BMPR2: variants seen among roughly 807,000 people sequenced by gnomAD.
The protein encoded by BMPR2 is bone morphogenetic protein receptor type-2.
In BMPR2, 29 loss-of-function variants were observed where a neutral mutation model predicts 100.8. That is an observed-to-expected ratio of 0.29 (90% CI 0.21 to 0.39). The LOEUF is 0.39. Among genes scored for constraint, BMPR2 ranks in the 10% least tolerant of loss-of-function variants. The pLI is 1.00. For missense variants in BMPR2, 1,011 were observed against 1,274.5 expected, an observed-to-expected ratio of 0.79 and a Z score of 3.15; for synonymous variants, 382 against 442.3, an observed-to-expected ratio of 0.86 and a Z score of 1.71.
intron 3 of BMPR2, among the ~76,000 whole-genome samples, chr2:202,488,705 T>C (rs1692835145): frequency 6.6e-6 from 1 of 152,122 alleles, no homozygotes; most frequent in African/African-American, 2.4e-5. Flanking sequence ...AGTGCTAGAA[T>C]TACAGGTGTG....
rs1324884601 is a variant in BMPR2, at chr2:202,550,942, A to G, written c.1414-1774A>G. On this transcript the variant is annotated intron_variant, in intron 10 of 12. Coordinates refer to ENST00000374580, the MANE Select transcript of BMPR2 (RefSeq NM_001204.7). ...CCCTTTAACATTTCTTGTAGAGCAT[A>G]TCAGCTTTTTTTTTTTTTTTTTTTT... Among the ~76,000 whole-genome samples, 8 of 136,596 alleles carry G rather than the reference A, an allele frequency of 5.9e-5. No individual in the cohort carries two copies. The Admixed American group carries it at 6.0e-4, about 10-fold the overall frequency. 89.6% of individuals were successfully genotyped at this position (136,596 alleles called of 152,430 possible). A position where few individuals can be genotyped will look rare whatever the true frequency, so the allele number is the denominator to read the frequency against.
At chr2:202,382,275 G>C (rs1690318136) in intron 1 of BMPR2, among the ~76,000 whole-genome samples, 1 of 152,056 alleles carries the variant, frequency 6.6e-6, no homozygotes, top group Admixed American at 6.6e-5. Context: ...AGCCAGGCCG[G>C]TCTCGAACTC....
At chr2:202,468,255 G>A (rs1488544428) in intron 3 of BMPR2, among the ~76,000 whole-genome samples, 1 of 152,066 alleles carries the variant, frequency 6.6e-6, no homozygotes, top group Non-Finnish European at 1.5e-5. Context: ...AGCAGGAGGA[G>A]CACTTGAGCC....
intron 1 of BMPR2, among the ~76,000 whole-genome samples, chr2:202,441,690 C>A (rs1244778685): frequency 2.3e-5 from 3 of 132,314 alleles, no homozygotes; most frequent in African/African-American, 9.2e-5. Flanking sequence ...TGCACTCCAG[C>A]CTGGGCGACA....
At chr2:202,418,623 G>A (rs1048428200) in intron 1 of BMPR2, among the ~76,000 whole-genome samples, 14 of 152,116 alleles carry the variant, frequency 9.2e-5, no homozygotes, top group Non-Finnish European at 1.8e-4. Context: ...CAGAAAGGGG[G>A]GACTTCCAGG....
intron 1 of BMPR2, among the ~76,000 whole-genome samples, chr2:202,395,128 C>T (rs1029772535): frequency 2.0e-5 from 3 of 151,790 alleles, no homozygotes; most frequent in African/African-American, 4.8e-5. Flanking sequence ...GTGGTTCACC[C>T]GCCTCGGCCT....
chr2:202,526,230 AC>A (rs1687909693), intron 7 of BMPR2, among the ~76,000 whole-genome samples: 1 of 151,850 alleles, frequency 6.6e-6, no homozygotes, highest in Non-Finnish European at 1.5e-5. Context: ...CCTCATAGAT[AC>A]CCCAAAGTTA....
chr2:202,512,536 C>T (rs554918498), intron 3 of BMPR2, among the ~76,000 whole-genome samples: 4 of 151,990 alleles, frequency 2.6e-5, no homozygotes, highest in Non-Finnish European at 5.9e-5. Flanking sequence ...TCTTTTTTTT[C>T]CTCATCAGAT....
At chr2:202,536,163 A>G (rs987084514) in intron 9 of BMPR2, among the ~76,000 whole-genome samples, 1 of 152,042 alleles carries the variant, frequency 6.6e-6, no homozygotes, top group Non-Finnish European at 1.5e-5. Flanking sequence ...CCTAGGCTGG[A>G]GTGCAGTGGT....
intron 3 of BMPR2, among the ~76,000 whole-genome samples, chr2:202,477,754 T>A (rs1249825182): frequency 6.6e-6 from 1 of 152,028 alleles, no homozygotes; most frequent in African/African-American, 2.4e-5. Context: ...CCCACTGCAC[T>A]CCAGCCTGGG....
chr2:202,503,125 C>T lies in BMPR2; in HGVS notation c.419-10594C>T, dbSNP rs981030384. 6.6e-6 allele frequency among the ~76,000 whole-genome samples: 1 copy of T among 152,258 alleles called. No individual in the cohort carries two copies. The highest frequency in any genetic ancestry group is 1.9e-4 in the East Asian group (1 of 5,202). ...CAACTGCAGAGCCCCTTCTTTGCCCCTATCCAGCAGGAAATAGCTAGAGCG... is the reference window on the plus strand; with the variant it reads ...CAACTGCAGAGCCCCTTCTTTGCCCTTATCCAGCAGGAAATAGCTAGAGCG... On this transcript the variant is annotated intron_variant, in intron 3 of 12. Coordinates refer to ENST00000374580, the MANE Select transcript of BMPR2 (RefSeq NM_001204.7). The surrounding 1 kb of genome is among the most constrained non-coding windows in gnomAD (Gnocchi z 4.0).
At chr2:202,549,525 A>T (rs1395885218) in intron 10 of BMPR2, among the ~76,000 whole-genome samples, 1 of 152,062 alleles carries the variant, frequency 6.6e-6, no homozygotes, top group Non-Finnish European at 1.5e-5. Flanking sequence ...AGTTTTTGTG[A>T]CCGGGCGCAG....
At chr2:202,555,183 G>A (rs1688541642) in intron 11 of BMPR2, 69 bp from the exon 12 acceptor site, 2 of 1,411,198 alleles carry the variant, frequency 1.4e-6, no homozygotes, top group Non-Finnish European at 2.0e-6. Context: ...AATCAGAGGT[G>A]TTAAATTTGG....
chr2:202,560,136 T>G lies in BMPR2; in HGVS notation c.*190T>G, dbSNP rs1229124996. The G allele has an allele frequency of 2.6e-6, 2 of 760,036 alleles. No individual in the cohort carries two copies. Among genetic ancestry groups the G allele is most frequent in the Non-Finnish European group, 4.1e-6 (2 of 488,480 alleles). The allele number at this position is 760,036 out of a possible 1,614,324, so 47.1% of individuals were successfully genotyped here. A position where few individuals can be genotyped will look rare whatever the true frequency, so the allele number is the denominator to read the frequency against. ...GCTTATGCTTCCATATTTTTAAATT[T>G]TGTTTTTTAAGTTTTGCACTTTTGT... On this transcript the variant is annotated 3_prime_UTR_variant, in exon 13 of 13. Transcript: ENST00000374580.
intron 1 of BMPR2, among the ~76,000 whole-genome samples, chr2:202,424,153 C>G (rs952382476): frequency 6.7e-6 from 1 of 150,102 alleles, no homozygotes; most frequent in African/African-American, 2.5e-5. Context: ...GCGGGCAGAT[C>G]ACTTGAAGTC....
At chr2:202,514,216 G>A (rs1326751346) in intron 4 of BMPR2, among the ~76,000 whole-genome samples, 5 of 152,004 alleles carry the variant, frequency 3.3e-5, no homozygotes, top group African/African-American at 1.2e-4. Context: ...GCTCACTGCA[G>A]GCTCCGCCCC....
At chr2:202,475,077 A>G (rs534630010) in intron 3 of BMPR2, 1 of 152,202 alleles carries the variant, frequency 6.6e-6, no homozygotes, top group East Asian at 1.9e-4. Context: ...ATATACATCC[A>G]TTTTAGATCC....
chr2:202,492,700 CAAAAAAAAAAAAAA>C (rs1166246933), intron 3 of BMPR2, among the ~76,000 whole-genome samples: 2 of 52,810 alleles, frequency 3.8e-5, no homozygotes, highest in Admixed American at 5.6e-4. Context: ...AGCTCTGTCT[CAAAAAAAAAAAAAA>C]AAAAAAAAAC....
intron 3 of BMPR2, among the ~76,000 whole-genome samples, chr2:202,493,199 T>C (rs62194094): frequency 0.051 from 7,721 of 152,276 alleles, 253 homozygotes; most frequent in Non-Finnish European, 0.077. Context: ...ATAATGACTA[T>C]TATAGTGACT....
Sources: gnomAD v4.1 joint callset for allele counts (sites outside exome capture counted in the v4.1 genomes callset) on GRCh38, gnomAD v4.1.1 for gene constraint, Gnocchi (gnomAD v3.1) non-coding constraint, MANE v1.5 for transcripts, NCBI Gene and HGNC (gene_info 2026-07-23, HGNC 2026-07-21) for gene names.